Variants in ZNF385D observed in about 807,000 individuals in gnomAD.
ZNF385D encodes zinc finger protein 659.
Under a neutral mutation model 35.8 loss-of-function variants are expected in ZNF385D, and 15 were observed. That is an observed-to-expected ratio of 0.42 (90% CI 0.28 to 0.64). ZNF385D has a LOEUF of 0.64. ZNF385D is among the 30% of genes least tolerant of loss of function. The pLI, the probability that ZNF385D is intolerant of heterozygous loss-of-function variation, is 0.23. For synonymous variants in ZNF385D, 212 were observed against 186.8 expected, an observed-to-expected ratio of 1.13 and a Z score of -1.10; for missense variants, 474 against 494.6, an observed-to-expected ratio of 0.96 and a Z score of 0.39.
intron 2 of ZNF385D, among the ~76,000 whole-genome samples, chr3:21,622,378 G>A (rs1380456648): frequency 6.6e-6 from 1 of 152,034 alleles, no homozygotes; most frequent in Non-Finnish European, 1.5e-5. Flanking sequence ...ACTTAGTTTG[G>A]TACTGAACCT....
intron 3 of ZNF385D, among the ~76,000 whole-genome samples, chr3:21,873,388 A>G (rs1479980): frequency 0.42 from 63,797 of 152,036 alleles, 13,603 homozygotes; most frequent in African/African-American, 0.43. Context: ...TGGCATAGCC[A>G]TGATATAGTC....
In ZNF385D at chr3:22,348,440, G is replaced by T. The variant is rs540057568; in HGVS notation, c.106+24010C>A. 2.8e-5 allele frequency among the ~76,000 whole-genome samples: 4 copies of T among 144,538 alleles called. No homozygotes were observed. The South Asian group carries it at 6.5e-4, about 23-fold the overall frequency. The allele number at this position is 144,538 out of a possible 152,430, so 94.8% of individuals were successfully genotyped here. A position where few individuals can be genotyped will look rare whatever the true frequency, so the allele number is the denominator to read the frequency against. ...AGGCAGGCAGATTACCTGAGGTCAGGAGTTCAAGACCAGCCTGACCAACAT... is the reference window on the plus strand; with the variant it reads ...AGGCAGGCAGATTACCTGAGGTCAGTAGTTCAAGACCAGCCTGACCAACAT... On this transcript the variant is annotated intron_variant, in intron 2 of 5. Transcript: ENST00000494108.
intron 3 of ZNF385D, among the ~76,000 whole-genome samples, chr3:22,050,759 G>C (rs189687002): frequency 6.5e-4 from 99 of 152,180 alleles, no homozygotes; most frequent in Non-Finnish European, 1.3e-3. Flanking sequence ...TTATGTATTT[G>C]TTTAAAAATT....
At chr3:21,619,532 A>G (rs1275638512) in intron 2 of ZNF385D, among the ~76,000 whole-genome samples, 2 of 152,100 alleles carry the variant, frequency 1.3e-5, no homozygotes, top group Non-Finnish European at 2.9e-5. Flanking sequence ...TTATCCAACC[A>G]AAACAACACT....
chr3:21,800,448 G>C (rs2072343421), intron 3 of ZNF385D, among the ~76,000 whole-genome samples: 1 of 151,992 alleles, frequency 6.6e-6, no homozygotes, highest in Non-Finnish European at 1.5e-5. Flanking sequence ...AGAGTTTTCA[G>C]AATAAAAGTT....
chr3:22,224,852 G>C (rs1698462278), intron 2 of ZNF385D, among the ~76,000 whole-genome samples: 1 of 152,170 alleles, frequency 6.6e-6, no homozygotes, highest in Non-Finnish European at 1.5e-5. Flanking sequence ...TGGAGCCAGA[G>C]TTGGCACCTC....
intron 2 of ZNF385D, among the ~76,000 whole-genome samples, chr3:22,254,159 G>A (rs1700197724): frequency 6.6e-6 from 1 of 151,602 alleles, no homozygotes; most frequent in Admixed American, 6.6e-5. Context: ...GAGAGAAAGG[G>A]AAATTCTCCT....
In ZNF385D at chr3:21,732,029, G is replaced by GTTTTTTTTTTTTTTTTT; in HGVS notation, c.22+18865_22+18866insAAAAAAAAAAAAAAAAA. On this transcript the variant is annotated intron_variant, in intron 1 of 7. Coordinates refer to ENST00000281523, the MANE Select transcript of ZNF385D (RefSeq NM_024697.3). ...ATTCAGGGTTTTTTTCTTTTTTCGG[G>GTTTTTTTTTTTTTTTTT]GTTTTTTTTTTTTTTTTTTTTTTTT... is the stretch of plus-strand genomic sequence containing the variant. Among the ~76,000 whole-genome samples the GTTTTTTTTTTTTTTTTT allele has an allele frequency of 4.2e-3, 90 of 21,208 alleles. 42 individuals carry two copies. The highest frequency in any genetic ancestry group is 0.077 in the Middle Eastern group (2 of 26). The allele number at this position is 21,208 out of a possible 152,430, so 13.9% of individuals were successfully genotyped here. A position where few individuals can be genotyped will look rare whatever the true frequency, so the allele number is the denominator to read the frequency against.
intron 3 of ZNF385D, among the ~76,000 whole-genome samples, chr3:21,889,261 A>G (rs1698714656): frequency 6.6e-6 from 1 of 152,200 alleles, no homozygotes; most frequent in South Asian, 2.1e-4. Flanking sequence ...CATGAGAAAC[A>G]CAGCAGGCCT....
chr3:21,981,647 T>A (rs1419873190), intron 3 of ZNF385D, among the ~76,000 whole-genome samples: 2 of 152,204 alleles, frequency 1.3e-5, no homozygotes, highest in Non-Finnish European at 2.9e-5. Context: ...TGTTCCTATG[T>A]CCAGGGTGGT....
intron 2 of ZNF385D, among the ~76,000 whole-genome samples, chr3:22,203,193 C>T (rs1353632361): frequency 6.6e-6 from 1 of 152,006 alleles, no homozygotes; most frequent in Non-Finnish European, 1.5e-5. Flanking sequence ...AACTTGGACA[C>T]CAGCTTAGCC....
At chr3:21,968,056 C>T (rs1703008601) in intron 3 of ZNF385D, among the ~76,000 whole-genome samples, 1 of 152,090 alleles carries the variant, frequency 6.6e-6, no homozygotes, top group African/African-American at 2.4e-5. Flanking sequence ...TCCCTTACAC[C>T]CCAGCTGTGG....
intron 2 of ZNF385D, among the ~76,000 whole-genome samples, chr3:22,301,350 G>A (rs1702891297): frequency 6.6e-6 from 1 of 151,920 alleles, no homozygotes; most frequent in Admixed American, 6.6e-5. Flanking sequence ...AGAACAATAA[G>A]TCCATTTCAC....
At chr3:21,635,959 T>C (rs1373953955) in intron 2 of ZNF385D, among the ~76,000 whole-genome samples, 3 of 152,268 alleles carry the variant, frequency 2.0e-5, no homozygotes, top group Admixed American at 6.5e-5. Context: ...CACTTGTTGA[T>C]TGATGGGCAT....
intron 3 of ZNF385D, among the ~76,000 whole-genome samples, chr3:21,795,956 A>G (rs1393855244): frequency 6.6e-6 from 1 of 152,260 alleles, no homozygotes; most frequent in East Asian, 1.9e-4. Flanking sequence ...AACTTAAGGC[A>G]TACATTTGAA....
intron 3 of ZNF385D, among the ~76,000 whole-genome samples, chr3:21,551,777 G>A (rs910564738): frequency 6.6e-6 from 1 of 152,062 alleles, no homozygotes; most frequent in Admixed American, 6.6e-5. Flanking sequence ...CCAGGAAAAG[G>A]TAATCTGATT....
At chr3:22,287,738 G>C (rs1702098381) in intron 2 of ZNF385D, among the ~76,000 whole-genome samples, 1 of 151,900 alleles carries the variant, frequency 6.6e-6, no homozygotes, top group South Asian at 2.1e-4. Flanking sequence ...ATAATTGTTT[G>C]TAATAGTTTT....
intron 3 of ZNF385D, among the ~76,000 whole-genome samples, chr3:22,008,424 C>T (rs1369023203): frequency 6.9e-6 from 1 of 145,600 alleles, no homozygotes; most frequent in Non-Finnish European, 1.5e-5. Flanking sequence ...CCGATCTCGG[C>T]TCACTGCAGG....
At chr3:21,528,382 G>A (rs868259617) in intron 3 of ZNF385D, among the ~76,000 whole-genome samples, 11 of 152,216 alleles carry the variant, frequency 7.2e-5, no homozygotes, top group East Asian at 1.9e-4. Context: ...AGAGTTCACT[G>A]GCTACTTGAC....
Sources: gnomAD v4.1 joint callset for allele counts (sites outside exome capture counted in the v4.1 genomes callset) on GRCh38, gnomAD v4.1.1 for gene constraint, MANE v1.5 for transcripts, NCBI Gene and HGNC (gene_info 2026-07-23, HGNC 2026-07-21) for gene names.